The following SMAD2 variants were observed in gnomAD, a reference collection of about 807,000 sequenced individuals.
SMAD2 encodes MAD homolog 2.
A neutral mutation model predicts 64.4 loss-of-function variants in SMAD2; 8 were observed. The observed-to-expected ratio is 0.12, with a 90% CI of 0.07 to 0.22. SMAD2 has a LOEUF of 0.22. Among genes scored for constraint, SMAD2 ranks in the 10% least tolerant of loss-of-function variants. The probability of loss-of-function intolerance (pLI) is 1.00; values close to 1 mark genes in which losing one functional copy is unlikely to be tolerated. For synonymous variants in SMAD2, 203 were observed against 195.8 expected, an observed-to-expected ratio of 1.04 and a Z score of -0.31; for missense variants, 289 against 561.2, an observed-to-expected ratio of 0.51 and a Z score of 4.90.
chr18:47,914,843 C>A (rs2034273877), intron 1 of SMAD2, among the ~76,000 whole-genome samples: 1 of 152,036 alleles, frequency 6.6e-6, no homozygotes, highest in African/African-American at 2.4e-5. Context: ...GCATGTTCTA[C>A]AAAAATCCTA....
intron 6 of SMAD2, among the ~76,000 whole-genome samples, chr18:47,854,334 A>G (rs922327928): frequency 6.6e-6 from 1 of 152,374 alleles, no homozygotes; most frequent in African/African-American, 2.4e-5. Flanking sequence ...AACCTTTGAC[A>G]AATTAACAAA....
chr18:47,881,620 T>C (rs1272370736), intron 2 of SMAD2, among the ~76,000 whole-genome samples: 3 of 152,324 alleles, frequency 2.0e-5, no homozygotes, highest in Admixed American at 1.3e-4. Flanking sequence ...AGGTCTTCTA[T>C]TAAAATAATA....
intron 6 of SMAD2, among the ~76,000 whole-genome samples, 162 bp from the exon 7 acceptor site, chr18:47,851,489 T>TG (rs1481450834): frequency 1.8e-5 from 2 of 113,758 alleles, no homozygotes; most frequent in Non-Finnish European, 3.5e-5. Flanking sequence ...GTTTAATTTG[T>TG]GGGGGGTCGG....
intron 1 of SMAD2, among the ~76,000 whole-genome samples, chr18:47,899,396 A>C (rs754370134): frequency 1.0e-5 from 1 of 99,250 alleles, no homozygotes; most frequent in Non-Finnish European, 2.1e-5. Flanking sequence ...CGCCAAGTTC[A>C]GTGAAAAAAA....
Position 47,818,708 on chromosome 18 carries a change from A to G in SMAD2, c.*23119T>C, listed in dbSNP as rs559578583. On this transcript the variant is annotated 3_prime_UTR_variant, in exon 11 of 11. Coordinates refer to ENST00000262160, the MANE Select transcript of SMAD2 (RefSeq NM_005901.6). ...CTAAAAATGTAAGCATTTAAATATT[A>G]ACATTAAACTCATTTGAAACTGAAA... 3.9e-5 allele frequency: 6 copies of G among 152,348 alleles called. No homozygotes were observed. The highest frequency in any genetic ancestry group is 2.6e-4 in the Admixed American group (4 of 15,306). 9.4% of individuals were successfully genotyped at this position (152,348 alleles called of 1,614,324 possible). A position where few individuals can be genotyped will look rare whatever the true frequency, so the allele number is the denominator to read the frequency against.
At chr18:47,856,079 G>C (rs1245793548) in intron 6 of SMAD2, among the ~76,000 whole-genome samples, 1 of 151,626 alleles carries the variant, frequency 6.6e-6, no homozygotes, top group Non-Finnish European at 1.5e-5. Context: ...GAATCTGGAA[G>C]ACATTATGCC....
At chr18:47,901,227 T>C (rs1443397005) in intron 1 of SMAD2, among the ~76,000 whole-genome samples, 1 of 152,186 alleles carries the variant, frequency 6.6e-6, no homozygotes, top group Non-Finnish European at 1.5e-5. Context: ...GTGGTAACTC[T>C]GGTGGATCAA....
intron 1 of SMAD2, among the ~76,000 whole-genome samples, chr18:47,919,467 A>ATACACAC (rs1322969096): frequency 6.9e-5 from 6 of 87,070 alleles, no homozygotes; most frequent in East Asian, 3.1e-4. Flanking sequence ...CAAAAAAAAA[A>ATACACAC]ATACACACAC....
chr18:47,914,694 TTC>T (rs2034269373), intron 1 of SMAD2, among the ~76,000 whole-genome samples: 1 of 152,168 alleles, frequency 6.6e-6, no homozygotes, highest in Non-Finnish European at 1.5e-5. Context: ...ATCACACGCA[TTC>T]TGTTATTTGT....
intron 1 of SMAD2, among the ~76,000 whole-genome samples, chr18:47,928,135 T>C (rs1042979496): frequency 6.6e-6 from 1 of 152,210 alleles, no homozygotes; most frequent in South Asian, 2.1e-4. Context: ...GTCCTAAGAA[T>C]ATGAATAAAT....
chr18:47,870,382 G>T, intron 3 of SMAD2, 93 bp downstream of exon 3: 1 of 883,022 alleles, frequency 1.1e-6, no homozygotes, highest in Non-Finnish European at 1.9e-6. Context: ...AACATCCTAG[G>T]CAAAATTATA....
chr18:47,825,887 C>A lies in SMAD2; in HGVS notation c.*15940G>T, dbSNP rs780229543. On this transcript the variant is annotated 3_prime_UTR_variant, in exon 11 of 11. Transcript: ENST00000262160. Reference sequence around the variant, plus strand: ...AGCACTCCAAGCTCCTAAAAACAGGCAGCATGAAGTAAAGCAGATAGCATC... The same window carrying A: ...AGCACTCCAAGCTCCTAAAAACAGGAAGCATGAAGTAAAGCAGATAGCATC... 1 of 152,230 alleles carries A rather than the reference C, an allele frequency of 6.6e-6. No individual in the cohort carries two copies. The highest frequency in any genetic ancestry group is 2.4e-5 in the African/African-American group (1 of 41,446). 9.4% of individuals were successfully genotyped at this position (152,230 alleles called of 1,614,324 possible).
In SMAD2 at chr18:47,930,526, A is replaced by AGGCCCGGGCCCGGCCGGC. The variant is rs1177542802; in HGVS notation, c.-237_-220dup. The AGGCCCGGGCCCGGCCGGC allele has an allele frequency of 1.0e-4, 15 of 145,728 alleles. No individual in the cohort carries two copies. The highest frequency in any genetic ancestry group is 3.8e-4 in the African/African-American group (15 of 39,588). 9.0% of individuals were successfully genotyped at this position (145,728 alleles called of 1,614,324 possible). On this transcript the variant is annotated 5_prime_UTR_variant, in exon 1 of 11. Transcript: ENST00000262160. The stretch of plus-strand genomic sequence containing the variant: ...GCCGCCGTCTTCCCGCCCCGCCCCC[A>AGGCCCGGGCCCGGCCGGC]GGCCCGGGCCCGGCCGGCGGCCCGG...
Position 47,840,268 on chromosome 18 carries a change from A to G in SMAD2, c.*1559T>C, listed in dbSNP as rs1402708788. The G allele has an allele frequency of 4.3e-6, 1 of 233,020 alleles. No individual in the cohort carries two copies. Among genetic ancestry groups the G allele is most frequent in the African/African-American group, 2.2e-5 (1 of 45,344 alleles). The allele number at this position is 233,020 out of a possible 1,614,324, so 14.4% of individuals were successfully genotyped here. A position where few individuals can be genotyped will look rare whatever the true frequency, so the allele number is the denominator to read the frequency against. ...ACCAAAGACAGCTTCAAAAATATGAAAATTTATGAAAAGACGACCAGGAGT... is the reference window on the plus strand; with the variant it reads ...ACCAAAGACAGCTTCAAAAATATGAGAATTTATGAAAAGACGACCAGGAGT... On this transcript the variant is annotated 3_prime_UTR_variant, in exon 11 of 11. Transcript: ENST00000262160.
chr18:47,846,280 C>G (rs1331597260), intron 8 of SMAD2, among the ~76,000 whole-genome samples: 1 of 151,948 alleles, frequency 6.6e-6, no homozygotes, highest in East Asian at 1.9e-4. Context: ...GATGTATAAG[C>G]ATGATTAGGT....
At chr18:47,909,517 A>C (rs1410622152) in intron 1 of SMAD2, among the ~76,000 whole-genome samples, 1 of 152,200 alleles carries the variant, frequency 6.6e-6, no homozygotes, top group African/African-American at 2.4e-5. Context: ...ACTGCCACAA[A>C]GGACATTTAT....
At chr18:47,875,243 T>G (rs1169320324) in intron 2 of SMAD2, among the ~76,000 whole-genome samples, 2 of 152,116 alleles carry the variant, frequency 1.3e-5, no homozygotes, top group African/African-American at 4.8e-5. Flanking sequence ...AAGATGCCTT[T>G]GGTAGGTTTT....
intron 5 of SMAD2, chr18:47,867,480 C>T (rs1008081953): frequency 1.3e-5 from 2 of 151,820 alleles, no homozygotes; most frequent in African/African-American, 4.8e-5. Context: ...AAGTTCCTTA[C>T]ATATTTTTAG....
intron 2 of SMAD2, 138 bp from the exon 3 acceptor site, chr18:47,870,702 GGCA>G: frequency 1.4e-6 from 1 of 722,228 alleles, no homozygotes; most frequent in Middle Eastern, 2.8e-4. Flanking sequence ...CTTTTTCACA[GGCA>G]TGTAGTGCTG....
Sources: allele counts gnomAD v4.1 joint callset (sites outside exome capture counted in the v4.1 genomes callset), GRCh38; gene constraint gnomAD v4.1.1; transcripts MANE v1.5; gene names NCBI Gene and HGNC (gene_info 2026-07-23, HGNC 2026-07-21).